The following IFNA16 variants were observed in gnomAD, a reference collection of about 807,000 sequenced individuals.
IFNA16 encodes the protein interferon alpha 16, also known as interferon alpha-16.
For missense variants in IFNA16, 332 were observed against 213.5 expected (o/e 1.55, Z -3.46); for synonymous variants, 122 against 83.3 (o/e 1.46, Z -2.53).
chr9:21,217,227 G>A lies in IFNA16; in HGVS notation c.79C>T (p.Pro27Ser), dbSNP rs1302803998. The A allele has an allele frequency of 2.5e-6, 4 of 1,613,894 alleles. No individual in the cohort carries two copies. The African/African-American group carries it at 4.0e-5, about 16-fold the overall frequency. ...KSICSLGCDL[P>S]QTHSLGNRRA... is the part of the protein sequence containing the mutation. ...CTATTACCCAGGCTGTGAGTCTGAG[G>A]CAGATCACAGCCCAGAGAACAGATG... Residue 27 changes from proline to serine, a missense_variant, in exon 1 of 1, where the codon CCT (proline) becomes TCT (serine). Transcript: ENST00000380216.
rs921611341 is a variant in IFNA16 at position 21,217,186 on chromosome 9, G to C, written c.120C>G (p.Leu40=). The change falls in exon 1 of 1, where the codon CTC becomes CTG. Residue 40 remains leucine, a synonymous_variant. Coordinates refer to ENST00000380216, the MANE Select transcript of IFNA16 (RefSeq NM_002173.3). ...HSLGNRRALI[L]LAQMGRISHF... ...GAGAGATTCTTCCCATTTGTGCCAG[G>C]AGTATCAAGGCCCTCCTATTACCCA... 3.3e-5 allele frequency: 54 copies of C among 1,613,906 alleles called. No homozygotes were observed. Among genetic ancestry groups the C allele is most frequent in the Non-Finnish European group, 4.6e-5 (54 of 1,179,966 alleles).
In IFNA16 at chr9:21,216,540, G is replaced by A; in HGVS notation, c.*196C>T. 1 of 468,536 alleles carries A rather than the reference G, an allele frequency of 2.1e-6. No homozygotes were observed. Among genetic ancestry groups the A allele is most frequent in the East Asian group, 4.0e-5 (1 of 25,020 alleles). The allele number at this position is 468,536 out of a possible 1,614,324, so 29.0% of individuals were successfully genotyped here. A position where few individuals can be genotyped will look rare whatever the true frequency, so the allele number is the denominator to read the frequency against. On this transcript the variant is annotated 3_prime_UTR_variant, in exon 1 of 1. Coordinates refer to ENST00000380216, the MANE Select transcript of IFNA16 (RefSeq NM_002173.3). ...ATATTTAAATAAATAGATGAATAGA[G>A]ACATCAGCATGGTCATCTGTAAAGG...
At chr9:21,217,022 TC>T in the IFNA16 span, 1 of 1,613,798 alleles carries the variant, frequency 6.2e-7, no homozygotes, top group Admixed American at 1.7e-5. Flanking sequence ...AGCAGATGAA[TC>T]CTTTGTGCTG....
Position 21,217,109 on chromosome 9 carries a change from A to G in IFNA16, c.197T>C (p.Phe66Ser). ...RYDFGFPQEVFDGNQFQKAQA... is the reference protein window; with the variant it reads ...RYDFGFPQEVSDGNQFQKAQA... ...AGCCTTCTGGAACTGGTTGCCATCA[A>G]ACACCTCCTGGGGGAATCCGAAATC... The change falls in exon 1 of 1, where the codon TTT becomes TCT. Residue 66 changes from phenylalanine (F) to serine (S), a missense_variant. Phe to Ser is a radical substitution (Grantham distance 155). Transcript: ENST00000380216. The G allele has an allele frequency of 6.2e-7, 1 of 1,614,016 alleles. No individual in the cohort carries two copies. The highest frequency in any genetic ancestry group is 8.5e-7 in the Non-Finnish European group (1 of 1,179,964).
chr9:21,216,940 A>G lies in IFNA16; in HGVS notation c.366T>C (p.Cys122=), dbSNP rs762777048. Residue 122 remains cysteine, a synonymous_variant, in exon 1 of 1, where the codon TGT becomes TGC. Coordinates refer to ENST00000380216, the MANE Select transcript of IFNA16 (RefSeq NM_002173.3). ...LFQQLNDLEA[C]VTQEVGVEEI... The stretch of plus-strand genomic sequence containing the variant: ...CTTCCACCCCAACCTCCTGTGTCAC[A>G]CAGGCTTCTAGGTCATTCAGTTGCT... 3 of 1,613,960 alleles carry G rather than the reference A, an allele frequency of 1.9e-6. No individual in the cohort carries two copies. The highest frequency in any genetic ancestry group is 1.1e-5 in the South Asian group (1 of 91,072).
Position 21,216,709 on chromosome 9 carries a change from A to G in IFNA16, c.*27T>C. ...GTGTGAGATGATGTATTAATCAATG[A>G]GGATCATTTCCATGTTGAATGAGTT... is the stretch of plus-strand genomic sequence containing the variant. On this transcript the variant is annotated 3_prime_UTR_variant, in exon 1 of 1. Coordinates refer to ENST00000380216, the MANE Select transcript of IFNA16 (RefSeq NM_002173.3). The G allele has an allele frequency of 6.2e-7, 1 of 1,607,446 alleles. No individual in the cohort carries two copies. Among genetic ancestry groups the G allele is most frequent in the Non-Finnish European group, 8.5e-7 (1 of 1,177,298 alleles).
At position 21,217,055 on chromosome 9, in the gene IFNA16, A is replaced by G. The variant is rs770923009; in HGVS notation, c.251T>C (p.Ile84Thr). ...AQAISAFHEM[I>T]QQTFNLFSTK... Reference sequence around the variant, plus strand: ...GCTGAAGAGATTGAAGGTCTGCTGGATCATCTCATGGAAGGCAGAGATGGC... The same window carrying G: ...GCTGAAGAGATTGAAGGTCTGCTGGGTCATCTCATGGAAGGCAGAGATGGC... Residue 84 changes from isoleucine to threonine, a missense_variant, in exon 1 of 1, where the codon ATC (isoleucine) becomes ACC (threonine). Ile to Thr is a moderately conservative substitution (Grantham distance 89). Transcript: ENST00000380216. 1.9e-6 allele frequency: 3 copies of G among 1,613,788 alleles called. No individual in the cohort carries two copies. The highest frequency in any genetic ancestry group is 3.3e-5 in the Admixed American group (2 of 59,962).
In IFNA16 at chr9:21,216,824, G is replaced by C. The variant is rs1428734896; in HGVS notation, c.482C>G (p.Pro161Arg). 5.6e-6 allele frequency: 9 copies of C among 1,613,818 alleles called. No homozygotes were observed. Among genetic ancestry groups the C allele is most frequent in the Non-Finnish European group, 7.6e-6 (9 of 1,179,944 alleles). The change falls in exon 1 of 1, where the codon CCT becomes CGT. Residue 161 changes from proline to arginine, a missense_variant. Physicochemically the swap from Pro to Arg is moderately radical, Grantham distance 103. Transcript: ENST00000380216. ...TGCTCTGACAACCTCCCAGGCACAA[G>C]GGCTGTATTTCTTCCCCATCAGATA... is the stretch of plus-strand genomic sequence containing the variant. ...TLYLMGKKYS[P>R]CAWEVVRAEI...
Position 21,216,726 on chromosome 9 carries a change from G to C in IFNA16, c.*10C>G, listed in dbSNP as rs754794880. Reference sequence around the variant, plus strand: ...AATCAATGAGGATCATTTCCATGTTGAATGAGTTTTCAATCCTTCCTTCTT... The same window carrying C: ...AATCAATGAGGATCATTTCCATGTTCAATGAGTTTTCAATCCTTCCTTCTT... On this transcript the variant is annotated 3_prime_UTR_variant, in exon 1 of 1. Transcript: ENST00000380216. The C allele has an allele frequency of 2.5e-6, 4 of 1,611,462 alleles. No homozygotes were observed. The South Asian group carries it at 4.4e-5, about 18-fold the overall frequency.
At position 21,217,204 on chromosome 9, in the gene IFNA16, A is replaced by C. The variant is rs372911133; in HGVS notation, c.102T>G (p.Asn34Lys). The C allele has an allele frequency of 6.2e-7, 1 of 1,613,914 alleles. No individual in the cohort carries two copies. The highest frequency in any genetic ancestry group is 1.3e-5 in the African/African-American group (1 of 74,916). Residue 34 changes from asparagine to lysine, a missense_variant, in exon 1 of 1, where the codon AAT becomes AAG. By Grantham distance (94) the Asn-to-Lys change is moderately conservative. Coordinates refer to ENST00000380216, the MANE Select transcript of IFNA16 (RefSeq NM_002173.3). ...CDLPQTHSLG[N>K]RRALILLAQM... Reference sequence around the variant, plus strand: ...GTGCCAGGAGTATCAAGGCCCTCCTATTACCCAGGCTGTGAGTCTGAGGCA... The same window carrying C: ...GTGCCAGGAGTATCAAGGCCCTCCTCTTACCCAGGCTGTGAGTCTGAGGCA...
Position 21,216,712 on chromosome 9 carries a change from A to G in IFNA16, c.*24T>C. 3 of 1,609,398 alleles carry G rather than the reference A, an allele frequency of 1.9e-6. No individual in the cohort carries two copies. Among genetic ancestry groups the G allele is most frequent in the Non-Finnish European group, 2.5e-6 (3 of 1,178,010 alleles). Reference sequence around the variant, plus strand: ...TGAGATGATGTATTAATCAATGAGGATCATTTCCATGTTGAATGAGTTTTC... The same window carrying G: ...TGAGATGATGTATTAATCAATGAGGGTCATTTCCATGTTGAATGAGTTTTC... On this transcript the variant is annotated 3_prime_UTR_variant, in exon 1 of 1. Coordinates refer to ENST00000380216, the MANE Select transcript of IFNA16 (RefSeq NM_002173.3).
Position 21,216,835 on chromosome 9 carries a change from C to A in IFNA16, c.471G>T (p.Lys157Asn). 6.2e-7 allele frequency: 1 copy of A among 1,614,000 alleles called. No individual in the cohort carries two copies. The highest frequency in any genetic ancestry group is 8.5e-7 in the Non-Finnish European group (1 of 1,179,948). Residue 157 changes from lysine to asparagine, a missense_variant, in exon 1 of 1, where the codon AAG (lysine) becomes AAT (asparagine). Physicochemically the swap from Lys to Asn is moderately conservative, Grantham distance 94 (BLOSUM62 0). Coordinates refer to ENST00000380216, the MANE Select transcript of IFNA16 (RefSeq NM_002173.3). ...FQRITLYLMG[K>N]KYSPCAWEVV... ...CCTCCCAGGCACAAGGGCTGTATTT[C>A]TTCCCCATCAGATAAAGAGTGATTC... is the stretch of plus-strand genomic sequence containing the variant.
Position 21,216,800 on chromosome 9 carries a change from G to C in IFNA16, c.506C>G (p.Ala169Gly). The change falls in exon 1 of 1, where the codon GCA becomes GGA. Residue 169 changes from alanine (A) to glycine (G), a missense_variant. Physicochemically the swap from Ala to Gly is moderately conservative, Grantham distance 60 (BLOSUM62 0). Transcript: ENST00000380216. ...AAAAGAGAAGGATCTCATGATTTCT[G>C]CTCTGACAACCTCCCAGGCACAAGG... ...YSPCAWEVVR[A>G]EIMRSFSFST... 1 of 1,613,876 alleles carries C rather than the reference G, an allele frequency of 6.2e-7. No individual in the cohort carries two copies. The highest frequency in any genetic ancestry group is 2.2e-5 in the East Asian group (1 of 44,872).
Position 21,216,930 on chromosome 9 carries a change from C to T in IFNA16, c.376G>A (p.Glu126Lys), listed in dbSNP as rs1457229327. The change falls in exon 1 of 1, where the codon GAG becomes AAG. Residue 126 changes from glutamate to lysine, a missense_variant. Coordinates refer to ENST00000380216, the MANE Select transcript of IFNA16 (RefSeq NM_002173.3). ...LNDLEACVTQ[E>K]VGVEEIALMN... is the part of the protein sequence containing the mutation. ...AGGGCAATCTCTTCCACCCCAACCT[C>T]CTGTGTCACACAGGCTTCTAGGTCA... The T allele has an allele frequency of 6.2e-7, 1 of 1,614,004 alleles. No individual in the cohort carries two copies. The highest frequency in any genetic ancestry group is 8.5e-7 in the Non-Finnish European group (1 of 1,179,960).
chr9:21,216,779 G>C lies in IFNA16; in HGVS notation c.527C>G (p.Ser176Cys), dbSNP rs1343947830. Residue 176 changes from serine to cysteine, a missense_variant, in exon 1 of 1, where the codon TCT (serine) becomes TGT (cysteine). Physicochemically the swap from Ser to Cys is moderately radical, Grantham distance 112 (BLOSUM62 -1). Coordinates refer to ENST00000380216, the MANE Select transcript of IFNA16 (RefSeq NM_002173.3). ...TCCTTTTTGCAAGTTTGTTGAAAAA[G>C]AGAAGGATCTCATGATTTCTGCTCT... The part of the protein sequence containing the change: ...VVRAEIMRSF[S>C]FSTNLQKGLR... The C allele has an allele frequency of 6.2e-7, 1 of 1,613,784 alleles. No individual in the cohort carries two copies. The highest frequency in any genetic ancestry group is 1.1e-5 in the South Asian group (1 of 90,984).
In IFNA16 at chr9:21,216,689, A is replaced by G. The variant is rs770529230; in HGVS notation, c.*47T>C. 1.3e-6 allele frequency: 2 copies of G among 1,589,988 alleles called. No individual in the cohort carries two copies. The highest frequency in any genetic ancestry group is 3.7e-5 in the Admixed American group (2 of 53,546). On this transcript the variant is annotated 3_prime_UTR_variant, in exon 1 of 1. Transcript: ENST00000380216. ...AAATGGAAGAACTCATGAAAGTGTGAGATGATGTATTAATCAATGAGGATC... is the reference window on the plus strand; with the variant it reads ...AAATGGAAGAACTCATGAAAGTGTGGGATGATGTATTAATCAATGAGGATC...
Position 21,216,925 on chromosome 9 carries a change from A to T in IFNA16, c.381T>A (p.Val127=). The change falls in exon 1 of 1, where the codon GTT becomes GTA. Residue 127 remains valine (V), a synonymous_variant. Transcript: ENST00000380216. ...NDLEACVTQE[V]GVEEIALMNE... is the part of the protein sequence containing the mutation. ...TCATCAGGGCAATCTCTTCCACCCCAACCTCCTGTGTCACACAGGCTTCTA... is the reference window on the plus strand; with the variant it reads ...TCATCAGGGCAATCTCTTCCACCCCTACCTCCTGTGTCACACAGGCTTCTA... The T allele has an allele frequency of 5.6e-6, 9 of 1,613,964 alleles. No homozygotes were observed. Among genetic ancestry groups the T allele is most frequent in the Non-Finnish European group, 6.8e-6 (8 of 1,179,942 alleles).
chr9:21,216,659 C>G lies in IFNA16; in HGVS notation c.*77G>C. ...ACTTGTGGTGGTTATAGAAGTGAGT[C>G]TTTGAAATGGAAGAACTCATGAAAG... On this transcript the variant is annotated 3_prime_UTR_variant, in exon 1 of 1. Coordinates refer to ENST00000380216, the MANE Select transcript of IFNA16 (RefSeq NM_002173.3). 1 of 1,555,688 alleles carries G rather than the reference C, an allele frequency of 6.4e-7. No homozygotes were observed. The highest frequency in any genetic ancestry group is 8.7e-7 in the Non-Finnish European group (1 of 1,152,626).
rs1459759237 is a variant in IFNA16 at position 21,217,099 on chromosome 9, G to T, written c.207C>A (p.Asn69Lys). ...FGFPQEVFDGNQFQKAQAISA... is the reference protein window; with the variant it reads ...FGFPQEVFDGKQFQKAQAISA... Reference sequence around the variant, plus strand: ...AGATGGCTTGAGCCTTCTGGAACTGGTTGCCATCAAACACCTCCTGGGGGA... The same window carrying T: ...AGATGGCTTGAGCCTTCTGGAACTGTTTGCCATCAAACACCTCCTGGGGGA... The change falls in exon 1 of 1, where the codon AAC becomes AAA. Residue 69 changes from asparagine to lysine, a missense_variant. Physicochemically the swap from Asn to Lys is moderately conservative, Grantham distance 94. Coordinates refer to ENST00000380216, the MANE Select transcript of IFNA16 (RefSeq NM_002173.3). 1 of 1,613,954 alleles carries T rather than the reference G, an allele frequency of 6.2e-7. No individual in the cohort carries two copies. The highest frequency in any genetic ancestry group is 1.1e-5 in the South Asian group (1 of 91,064).
Sources: allele counts gnomAD v4.1 joint callset, GRCh38; gene constraint gnomAD v4.1.1; transcripts MANE v1.5; gene names NCBI Gene and HGNC (gene_info 2026-07-23, HGNC 2026-07-21).